SLC26A9: variants seen among roughly 807,000 people sequenced by gnomAD.
The protein encoded by SLC26A9 is solute carrier family 26 member 9.
A neutral mutation model predicts 87.1 loss-of-function variants in SLC26A9; 46 were observed. The ratio of observed to expected loss-of-function variants is 0.53; its 90% CI spans 0.42 to 0.67. The LOEUF (loss-of-function observed/expected upper bound fraction) is 0.67, where lower values mean the gene tolerates loss of function less well. Ranked by LOEUF, SLC26A9 falls within the 30% of genes least tolerant of loss-of-function variation. The pLI is 0.00. For missense variants in SLC26A9, 927 were observed against 1,018.3 expected, an observed-to-expected ratio of 0.91 and a Z score of 1.22; for synonymous variants, 437 against 409.1, an observed-to-expected ratio of 1.07 and a Z score of -0.82.
intron 8 of SLC26A9, chr1:205,928,387 CCCTT>C (rs1339082867): frequency 5.1e-6 from 2 of 394,242 alleles, no homozygotes; most frequent in African/African-American, 4.0e-5. Flanking sequence ...GGTCTTCCCT[CCCTT>C]GCCTGTTCCA....
In SLC26A9 at chr1:205,914,761, AG is replaced by A. The variant is rs113120833; in HGVS notation, c.*595del. On this transcript the variant is annotated 3_prime_UTR_variant, in exon 21 of 21. Transcript: ENST00000367135. ...GTTTGGGCAGCCTTGGGGATGATGG[AG>A]GGGGGGCGCATAGTTACCAAGGCCT... 76 of 1,139,180 alleles carry A rather than the reference AG, an allele frequency of 6.7e-5. No homozygotes were observed. Among genetic ancestry groups the A allele is most frequent in the Non-Finnish European group, 8.3e-5 (67 of 802,586 alleles). 70.6% of individuals were successfully genotyped at this position (1,139,180 alleles called of 1,614,324 possible). A position where few individuals can be genotyped will look rare whatever the true frequency, so the allele number is the denominator to read the frequency against.
At chr1:205,938,502 GT>G (rs1434325795) in intron 1 of SLC26A9, among the ~76,000 whole-genome samples, 2 of 152,118 alleles carry the variant, frequency 1.3e-5, no homozygotes, top group South Asian at 2.1e-4. Context: ...TGGCATTTTT[GT>G]TTTTTTATCC....
intron 20 of SLC26A9, 145 bp downstream of exon 20, chr1:205,917,138 G>T: frequency 3.6e-5 from 20 of 561,004 alleles, no homozygotes; most frequent in Non-Finnish European, 5.9e-5. Context: ...AAAAAACAAA[G>T]ATGACCACAA....
chr1:205,922,358 C>T (rs749185492), intron 16 of SLC26A9, among the ~76,000 whole-genome samples: 4 of 152,196 alleles, frequency 2.6e-5, no homozygotes, highest in Non-Finnish European at 5.9e-5. Context: ...AGGCTGGTCT[C>T]GAACTCCTGA....
At chr1:205,922,335 C>T (rs960358306) in intron 16 of SLC26A9, among the ~76,000 whole-genome samples, 4 of 152,346 alleles carry the variant, frequency 2.6e-5, no homozygotes, top group Non-Finnish European at 4.4e-5. Context: ...GACAGCGTTT[C>T]GCCACGTTGG....
chr1:205,933,340 G>T (rs1354463899), intron 2 of SLC26A9, among the ~76,000 whole-genome samples: 2 of 152,202 alleles, frequency 1.3e-5, no homozygotes, highest in Non-Finnish European at 2.9e-5. Flanking sequence ...TTAAAGGTAT[G>T]AGTGTTATGG....
chr1:205,923,747 G>T, intron 13 of SLC26A9, 134 bp from the exon 14 acceptor site: 1 of 916,914 alleles, frequency 1.1e-6, no homozygotes, highest in Non-Finnish European at 1.7e-6. Context: ...TGCTGTGTCT[G>T]TCTTTTTGCA....
chr1:205,935,925 C>G (rs1219218873), intron 1 of SLC26A9, 87 bp from the exon 2 acceptor site: 2 of 1,449,600 alleles, frequency 1.4e-6, no homozygotes, highest in African/African-American at 2.8e-5. Context: ...CTTGCAGTAG[C>G]AGAGTTTTAT....
intron 8 of SLC26A9, chr1:205,928,343 G>C (rs999863892): frequency 2.2e-6 from 1 of 458,170 alleles, no homozygotes. Context: ...GTATGCTCAC[G>C]AGTCCACAGA....
chr1:205,921,519 G>A, intron 17 of SLC26A9, 47 bp downstream of exon 17: 3 of 1,576,404 alleles, frequency 1.9e-6, no homozygotes, highest in Non-Finnish European at 2.6e-6. Flanking sequence ...GGAGAGCAGA[G>A]CGGAGGGGGT....
In SLC26A9 at chr1:205,927,561, AAAG is replaced by A. The variant is rs761140717; in HGVS notation, c.1143_1145del (p.Phe382del). On this transcript the variant is annotated inframe_deletion, in exon 10 of 21. Coordinates refer to ENST00000367135, the MANE Select transcript of SLC26A9 (RefSeq NM_052934.4). ...GCGCACAGCAAATGACATGAATTTT[AAAG>A]AAGGAGCCAAAGAAGTTGCTGCAGC... 1 of 1,614,146 alleles carries A rather than the reference AAAG, an allele frequency of 6.2e-7. No homozygotes were observed. The highest frequency in any genetic ancestry group is 1.1e-5 in the South Asian group (1 of 91,078).
At position 205,924,423 on chromosome 1, in the gene SLC26A9, C is replaced by T. The variant is rs761798979; in HGVS notation, c.1456G>A (p.Val486Ile). 10 of 1,614,210 alleles carry T rather than the reference C, an allele frequency of 6.2e-6. No homozygotes were observed. Among genetic ancestry groups the T allele is most frequent in the Non-Finnish European group, 8.5e-6 (10 of 1,180,034 alleles). Residue 486 changes from valine to isoleucine, a missense_variant, in exon 13 of 21, where the codon GTC (valine) becomes ATC (isoleucine). Val to Ile is a conservative substitution (Grantham distance 29). Coordinates refer to ENST00000367135, the MANE Select transcript of SLC26A9 (RefSeq NM_052934.4). ...ACCACGACCAGGACGGAGAAGGCGA[C>T]ACCCACTGCCACACCATAGGGCAGG... ...LSLPYGVAVGVAFSVLVVVFQ... is the reference protein window; with the variant it reads ...LSLPYGVAVGIAFSVLVVVFQ...
At chr1:205,920,066 T>C in intron 18 of SLC26A9, 110 bp downstream of exon 18, 1 of 1,219,956 alleles carries the variant, frequency 8.2e-7, no homozygotes, top group Non-Finnish European at 1.2e-6. Flanking sequence ...TTGTGGGGGA[T>C]AGCTGGGTGC....
rs1248789857 is a variant in SLC26A9 at position 205,935,764 on chromosome 1, G to A, written c.57C>T (p.Leu19=). The A allele has an allele frequency of 5.6e-6, 9 of 1,614,080 alleles. No individual in the cohort carries two copies. In the South Asian group the frequency reaches 8.8e-5, roughly 16 times the overall value. The change falls in exon 2 of 21, where the codon CTC becomes CTT. Residue 19 remains leucine, a synonymous_variant. Coordinates refer to ENST00000367135, the MANE Select transcript of SLC26A9 (RefSeq NM_052934.4). ...CCTTCTTCTCAAACTCATCGTCGAA[G>A]AGGGTAAGGGAGTATGCGGCTCTGT... is the stretch of plus-strand genomic sequence containing the variant. ...VVDRAAYSLT[L]FDDEFEKKDR... is the part of the protein sequence containing the mutation.
Position 205,927,610 on chromosome 1 carries a change from AG to A in SLC26A9, c.1102-6del. ...GCAGCCGAGAGCGATCATCTCCTGC[AG>A]GGAGGGGACAGGATTAGAAGCCAGT... On this transcript the variant is annotated splice_region_variant and splice_polypyrimidine_tract_variant and intron_variant, in intron 9 of 20. Coordinates refer to ENST00000367135, the MANE Select transcript of SLC26A9 (RefSeq NM_052934.4). 1 of 1,612,128 alleles carries A rather than the reference AG, an allele frequency of 6.2e-7. No homozygotes were observed. The highest frequency in any genetic ancestry group is 1.1e-5 in the South Asian group (1 of 90,674).
rs80081836 is a variant in SLC26A9, at chr1:205,925,105, C to A, written c.1390-616G>T. Among the ~76,000 whole-genome samples, 690 of 152,290 alleles carry A rather than the reference C, an allele frequency of 4.5e-3. 4 individuals are homozygous for A. Among genetic ancestry groups the A allele is most frequent in the African/African-American group, 0.015 (612 of 41,554 alleles). ...AGCACACCCAGCCCCAAATTTTGTT[C>A]TTTAATGGCTATGTGAAACAAAAGG... On this transcript the variant is annotated intron_variant, in intron 12 of 20. Transcript: ENST00000367135.
rs953779807 is a variant in SLC26A9, at chr1:205,918,994, A to G, written c.2111-9T>C. 2 of 1,613,672 alleles carry G rather than the reference A, an allele frequency of 1.2e-6. No individual in the cohort carries two copies. The highest frequency in any genetic ancestry group is 1.7e-6 in the Non-Finnish European group (2 of 1,179,584). ...GTCATTGTACACCTGGGCTAGAAGG[A>G]GAAAAGATCACCTTCAGAAAGATAA... On this transcript the variant is annotated splice_polypyrimidine_tract_variant and intron_variant, in intron 18 of 20. Transcript: ENST00000367135.
intron 2 of SLC26A9, among the ~76,000 whole-genome samples, chr1:205,933,292 C>A (rs1659382275): frequency 6.6e-6 from 1 of 152,206 alleles, no homozygotes; most frequent in Non-Finnish European, 1.5e-5. Context: ...GGTCTTCTGA[C>A]TGCCAGCTGC....
intron 1 of SLC26A9, among the ~76,000 whole-genome samples, chr1:205,940,237 A>G (rs1017061219): frequency 1.3e-5 from 2 of 152,138 alleles, no homozygotes; most frequent in African/African-American, 4.8e-5. Flanking sequence ...GAGGGGAAGC[A>G]AAGAGAAAAT....
Sources: gnomAD v4.1 joint callset for allele counts (sites outside exome capture counted in the v4.1 genomes callset) on GRCh38, gnomAD v4.1.1 for gene constraint, MANE v1.5 for transcripts, NCBI Gene and HGNC (gene_info 2026-07-23, HGNC 2026-07-21) for gene names.